Variants in CACNA2D3 observed in about 807,000 individuals in gnomAD.
CACNA2D3 encodes the protein calcium voltage-gated channel auxiliary subunit alpha2delta 3, also known as voltage-dependent calcium channel subunit alpha-2/delta-3.
A neutral mutation model predicts 160.6 loss-of-function variants in CACNA2D3; 60 were observed. The ratio of observed to expected loss-of-function variants is 0.37; its 90% CI spans 0.30 to 0.46. The LOEUF (loss-of-function observed/expected upper bound fraction) is 0.46, where lower values mean the gene tolerates loss of function less well. Among genes scored for constraint, CACNA2D3 ranks in the 20% least tolerant of loss-of-function variants. The probability of loss-of-function intolerance (pLI) is 1.00; values close to 1 mark genes in which losing one functional copy is unlikely to be tolerated. For missense variants in CACNA2D3, 1,205 were observed against 1,365.0 expected, an observed-to-expected ratio of 0.88 and a Z score of 1.85; for synonymous variants, 558 against 492.9, an observed-to-expected ratio of 1.13 and a Z score of -1.75.
At chr3:54,508,396 C>T (rs1487842641) in intron 5 of CACNA2D3, among the ~76,000 whole-genome samples, 1 of 152,112 alleles carries the variant, frequency 6.6e-6, no homozygotes, top group Non-Finnish European at 1.5e-5. Context: ...AGCACATGGG[C>T]CAAGACTGGA....
intron 13 of CACNA2D3, among the ~76,000 whole-genome samples, chr3:54,801,633 C>A (rs1180815436): frequency 6.6e-6 from 1 of 152,110 alleles, no homozygotes; most frequent in African/African-American, 2.4e-5. Context: ...ATATTAGCAT[C>A]ATAGGGAGCT....
intron 4 of CACNA2D3, among the ~76,000 whole-genome samples, chr3:54,490,406 G>A (rs933863348): frequency 1.3e-5 from 2 of 152,238 alleles, no homozygotes; most frequent in African/African-American, 4.8e-5. Flanking sequence ...GGAATGCAGG[G>A]TTGAATCCAG....
At chr3:54,452,622 G>C (rs1700327956) in intron 4 of CACNA2D3, among the ~76,000 whole-genome samples, 6 of 152,132 alleles carry the variant, frequency 3.9e-5, no homozygotes, top group Admixed American at 3.3e-4. Flanking sequence ...CACATGTTTA[G>C]GTACTTGTCA....
chr3:54,998,850 C>A (rs1196505604), intron 31 of CACNA2D3, among the ~76,000 whole-genome samples: 1 of 151,976 alleles, frequency 6.6e-6, no homozygotes, highest in African/African-American at 2.4e-5. Context: ...GGGTTCACGC[C>A]ATTCTCCTGC....
chr3:54,968,267 G>A (rs1308896343), intron 27 of CACNA2D3, among the ~76,000 whole-genome samples, 183 bp from the exon 28 acceptor site: 1 of 152,184 alleles, frequency 6.6e-6, no homozygotes, highest in Non-Finnish European at 1.5e-5. Flanking sequence ...AGTTCTGTGA[G>A]TGCAGGTAAA....
rs1168002339 is a variant in CACNA2D3 at position 54,764,310 on chromosome 3, G to C, written c.1339G>C (p.Glu447Gln). The change falls in exon 13 of 38, where the codon GAG (glutamate) becomes CAG (glutamine). Residue 447 changes from glutamate to glutamine, a missense_variant. Coordinates refer to ENST00000474759, the MANE Select transcript of CACNA2D3 (RefSeq NM_018398.3). ...VLSRPKVIDQ[E>Q]HDVVWTEAYI... is the part of the protein sequence containing the mutation. ...TAGCCGGCCCAAAGTCATCGACCAG[G>C]AGCATGATGTGGTGTGGACCGAAGC... is the stretch of plus-strand genomic sequence containing the variant. The C allele has an allele frequency of 6.2e-7, 1 of 1,613,874 alleles. No individual in the cohort carries two copies. The highest frequency in any genetic ancestry group is 8.5e-7 in the Non-Finnish European group (1 of 1,179,844).
chr3:54,711,644 G>A (rs1371361952), intron 11 of CACNA2D3, among the ~76,000 whole-genome samples: 1 of 152,170 alleles, frequency 6.6e-6, no homozygotes. Flanking sequence ...TAGACCAATC[G>A]TGATTCCACA....
At chr3:54,463,377 A>T (rs1206372311) in intron 4 of CACNA2D3, among the ~76,000 whole-genome samples, 2 of 152,180 alleles carry the variant, frequency 1.3e-5, no homozygotes, top group Admixed American at 1.3e-4. Flanking sequence ...GTGTTTTCCA[A>T]CTTGGTTCCA....
intron 2 of CACNA2D3, among the ~76,000 whole-genome samples, chr3:54,245,518 C>T (rs1330371171): frequency 6.6e-6 from 1 of 152,156 alleles, no homozygotes; most frequent in East Asian, 1.9e-4. Context: ...CCATCCAGAG[C>T]CTGGTGTTCT....
At chr3:54,654,488 T>G (rs533524) in intron 11 of CACNA2D3, among the ~76,000 whole-genome samples, 141,238 of 152,134 alleles carry the variant, frequency 0.93, 65,840 homozygotes, top group Non-Finnish European at 0.95. Context: ...GGACAAAAGA[T>G]AACTCTAGGT....
intron 14 of CACNA2D3, among the ~76,000 whole-genome samples, chr3:54,822,832 T>TTTCTTTCTTTTCTTTCTTTCTTTCTTTTC (rs1553874401): frequency 1.7e-5 from 1 of 57,982 alleles, no homozygotes; most frequent in African/African-American, 8.7e-5. Context: ...TCTTTCTTTC[T>TTTCTTTCTTTTCTTTCTTTCTTTCTTTTC]TTTCTTTCTT....
intron 11 of CACNA2D3, among the ~76,000 whole-genome samples, chr3:54,683,496 T>G (rs1012322384): frequency 3.3e-5 from 5 of 152,146 alleles, no homozygotes; most frequent in African/African-American, 1.2e-4. Flanking sequence ...GTGGACAAGC[T>G]CTCCAGGAGT....
chr3:54,355,436 G>C (rs979296995), intron 3 of CACNA2D3, among the ~76,000 whole-genome samples: 1 of 152,200 alleles, frequency 6.6e-6, no homozygotes, highest in Non-Finnish European at 1.5e-5. Context: ...AAGTGATCTG[G>C]AAATGGGGTT....
chr3:54,382,645 G>GTGAT (rs1237161872), intron 3 of CACNA2D3, among the ~76,000 whole-genome samples: 2 of 152,188 alleles, frequency 1.3e-5, no homozygotes, highest in African/African-American at 4.8e-5. Flanking sequence ...TTAGCCGGGA[G>GTGAT]TGATGGCGCA....
chr3:54,219,069 A>T (rs1410869444), intron 2 of CACNA2D3, among the ~76,000 whole-genome samples: 4 of 152,210 alleles, frequency 2.6e-5, no homozygotes, highest in Non-Finnish European at 5.9e-5. Flanking sequence ...CTCCACAGTT[A>T]GTGACCCATA....
At chr3:54,753,189 G>A (rs1255731645) in intron 12 of CACNA2D3, among the ~76,000 whole-genome samples, 1 of 152,170 alleles carries the variant, frequency 6.6e-6, no homozygotes, top group Non-Finnish European at 1.5e-5. Flanking sequence ...GTCAAGTGGA[G>A]TGGTTAAGCC....
intron 35 of CACNA2D3, among the ~76,000 whole-genome samples, chr3:55,070,273 C>T (rs1420518694): frequency 6.6e-6 from 1 of 152,106 alleles, no homozygotes; most frequent in Non-Finnish European, 1.5e-5. Context: ...ATGAGGACTA[C>T]AGCCTTGTTG....
chr3:54,349,764 C>T (rs773294488), intron 3 of CACNA2D3, among the ~76,000 whole-genome samples: 3 of 152,172 alleles, frequency 2.0e-5, no homozygotes, highest in East Asian at 3.9e-4. Context: ...GGATGTAGTG[C>T]GCATCTGTTC....
intron 9 of CACNA2D3, among the ~76,000 whole-genome samples, chr3:54,590,516 T>TG (rs1474333127): frequency 1.3e-5 from 2 of 152,192 alleles, no homozygotes; most frequent in East Asian, 3.9e-4. Flanking sequence ...ATCATATCAA[T>TG]GTCAGTATCC....
Sources: allele counts gnomAD v4.1 joint callset (sites outside exome capture counted in the v4.1 genomes callset), GRCh38; gene constraint gnomAD v4.1.1; transcripts MANE v1.5; gene names NCBI Gene and HGNC (gene_info 2026-07-23, HGNC 2026-07-21).